Variants in ROBO2 observed in about 807,000 individuals in gnomAD.
The protein encoded by ROBO2 is roundabout homolog 2.
ROBO2 carries 53 observed loss-of-function variants against 160.8 expected under a neutral mutation model. That is an observed-to-expected ratio of 0.33 (90% CI 0.26 to 0.41). The LOEUF (loss-of-function observed/expected upper bound fraction) is 0.41, where lower values mean the gene tolerates loss of function less well. Among genes scored for constraint, ROBO2 ranks in the 10% least tolerant of loss-of-function variants. The pLI is 1.00. For missense variants in ROBO2, 1,577 were observed against 1,722.4 expected, an observed-to-expected ratio of 0.92 and a Z score of 1.49; for synonymous variants, 664 against 611.7, an observed-to-expected ratio of 1.09 and a Z score of -1.26.
At chr3:76,425,534 G>C (rs973546665) in intron 2 of ROBO2, among the ~76,000 whole-genome samples, 3 of 148,572 alleles carry the variant, frequency 2.0e-5, no homozygotes, top group Non-Finnish European at 4.5e-5. Flanking sequence ...GTCTGTGTGT[G>C]TGTGTGTCTG....
At chr3:76,248,892 T>C (rs1205924066) in intron 2 of ROBO2, among the ~76,000 whole-genome samples, 2 of 147,812 alleles carry the variant, frequency 1.4e-5, no homozygotes, top group African/African-American at 2.5e-5. Context: ...CTCTGCTGTT[T>C]ACCAAAGTCT....
intron 2 of ROBO2, among the ~76,000 whole-genome samples, chr3:76,118,969 A>T (rs528590407): frequency 6.6e-6 from 1 of 152,280 alleles, no homozygotes; most frequent in African/African-American, 2.4e-5. Flanking sequence ...TGTTTTTCTT[A>T]TAGAAAATCA....
At chr3:77,215,655 C>G (rs1307923121) in intron 2 of ROBO2, among the ~76,000 whole-genome samples, 1 of 152,164 alleles carries the variant, frequency 6.6e-6, no homozygotes, top group Non-Finnish European at 1.5e-5. Context: ...GAGAGGTGCT[C>G]TGATTTTTAG....
At chr3:76,599,886 A>G (rs527325546) in intron 2 of ROBO2, among the ~76,000 whole-genome samples, 1 of 152,048 alleles carries the variant, frequency 6.6e-6, no homozygotes, top group African/African-American at 2.4e-5. Context: ...CCCGCTTTTT[A>G]ATGGATTTTT....
At chr3:77,342,717 C>T (rs371168263) in intron 2 of ROBO2, among the ~76,000 whole-genome samples, 2 of 152,076 alleles carry the variant, frequency 1.3e-5, no homozygotes, top group African/African-American at 4.8e-5. Flanking sequence ...TGTTGGCATC[C>T]CCCACCCAAC....
intron 2 of ROBO2, among the ~76,000 whole-genome samples, chr3:75,972,947 A>C (rs1352663041): frequency 6.6e-6 from 1 of 151,650 alleles, no homozygotes; most frequent in Non-Finnish European, 1.5e-5. Flanking sequence ...GAAGATAACA[A>C]ATGATAGGGT....
At chr3:77,546,547 G>T in intron 7 of ROBO2, 85 bp downstream of exon 8, 1 of 1,499,400 alleles carries the variant, frequency 6.7e-7, no homozygotes, top group Non-Finnish European at 9.3e-7. Context: ...TGCTTCTCTT[G>T]TTCTCAATGT....
chr3:76,410,749 G>A (rs2075444696), intron 2 of ROBO2, among the ~76,000 whole-genome samples: 1 of 152,132 alleles, frequency 6.6e-6, no homozygotes, highest in African/African-American at 2.4e-5. Context: ...AGATATATGA[G>A]AATATACATG....
intron 2 of ROBO2, among the ~76,000 whole-genome samples, chr3:76,385,479 T>C (rs926793955): frequency 6.6e-6 from 1 of 152,212 alleles, no homozygotes; most frequent in African/African-American, 2.4e-5. Flanking sequence ...CTTATCTACC[T>C]GACTCTAGGA....
intron 22 of ROBO2, among the ~76,000 whole-genome samples, chr3:77,621,074 T>C (rs1477156667): frequency 6.6e-6 from 1 of 151,540 alleles, no homozygotes; most frequent in Non-Finnish European, 1.5e-5. Flanking sequence ...CTTCACACTT[T>C]GTTAGCTACC....
chr3:77,615,646 G>A (rs939856977), intron 21 of ROBO2, among the ~76,000 whole-genome samples: 4 of 152,144 alleles, frequency 2.6e-5, no homozygotes, highest in African/African-American at 4.8e-5. Flanking sequence ...TTTCTGCCAT[G>A]TCTTTTTATG....
chr3:76,376,386 A>G (rs2076346521), intron 2 of ROBO2, among the ~76,000 whole-genome samples: 1 of 152,096 alleles, frequency 6.6e-6, no homozygotes, highest in African/African-American at 2.4e-5. Flanking sequence ...ACAGTCAAAG[A>G]AACCATGGAT....
intron 2 of ROBO2, among the ~76,000 whole-genome samples, chr3:77,220,165 C>T (rs2085596395): frequency 6.6e-6 from 1 of 151,998 alleles, no homozygotes; most frequent in South Asian, 2.1e-4. Context: ...CACGTGCCAC[C>T]ACGCCTGGCT....
intron 6 of ROBO2, among the ~76,000 whole-genome samples, chr3:77,541,353 A>T (rs1289347445): frequency 6.6e-6 from 1 of 152,082 alleles, no homozygotes; most frequent in Non-Finnish European, 1.5e-5. Context: ...CAGCCATCTG[A>T]TTTCCATGTC....
At chr3:76,912,450 A>C (rs1304576008) in intron 2 of ROBO2, among the ~76,000 whole-genome samples, 1 of 152,232 alleles carries the variant, frequency 6.6e-6, no homozygotes, top group Non-Finnish European at 1.5e-5. Flanking sequence ...AAGAATGTCC[A>C]TCAAGGAACA....
intron 1 of ROBO2, among the ~76,000 whole-genome samples, chr3:77,049,318 C>T (rs2064994282): frequency 6.6e-6 from 1 of 151,996 alleles, no homozygotes. Context: ...TGACAGAGGC[C>T]CCGTCTCCAC....
chr3:76,693,234 G>A (rs562239752), intron 2 of ROBO2, among the ~76,000 whole-genome samples: 45 of 144,748 alleles, frequency 3.1e-4, no homozygotes, highest in South Asian at 2.7e-3. Context: ...ATATGTATGC[G>A]TATATACATA....
rs1008355614 is a variant in ROBO2, at chr3:77,244,343, T to C, written c.388+146003T>C. 3.9e-5 allele frequency among the ~76,000 whole-genome samples: 6 copies of C among 152,126 alleles called. No individual in the cohort carries two copies. The South Asian group carries it at 1.2e-3, about 31-fold the overall frequency. ...AAATGATAGGGGAAGACAGTAGTTG[T>C]CAGGAAAACATGGTAAAAATACAAC... On this transcript the variant is annotated intron_variant, in intron 2 of 25. Coordinates refer to ENST00000461745, the Ensembl canonical transcript of ROBO2.
At chr3:76,196,827 T>G (rs939531565) in intron 2 of ROBO2, among the ~76,000 whole-genome samples, 7 of 152,264 alleles carry the variant, frequency 4.6e-5, no homozygotes, top group Middle Eastern at 3.4e-3. Context: ...ATATGTGACA[T>G]TAATAGTAAA....
Sources: allele counts gnomAD v4.1 joint callset (sites outside exome capture counted in the v4.1 genomes callset), GRCh38; gene constraint gnomAD v4.1.1; transcripts MANE v1.5; gene names NCBI Gene and HGNC (gene_info 2026-07-23, HGNC 2026-07-21).